FHIT: variants seen among roughly 807,000 people sequenced by gnomAD.
FHIT encodes the protein fragile histidine triad diadenosine triphosphatase, also known as bis(5'-adenosyl)-triphosphatase.
A neutral mutation model predicts 17.9 loss-of-function variants in FHIT; 19 were observed. That is an observed-to-expected ratio of 1.06 (90% CI 0.74 to 1.56). The LOEUF (loss-of-function observed/expected upper bound fraction) is 1.56. Among genes scored for constraint, FHIT ranks in the 40% most tolerant of loss-of-function variants. The pLI is 0.00. For synonymous variants in FHIT, 81 were observed against 69.7 expected, an observed-to-expected ratio of 1.16 and a Z score of -0.81; for missense variants, 248 against 189.2, an observed-to-expected ratio of 1.31 and a Z score of -1.82.
At chr3:59,934,653 C>T (rs139697153) in intron 7 of FHIT, among the ~76,000 whole-genome samples, 2 of 152,142 alleles carry the variant, frequency 1.3e-5, no homozygotes, top group Non-Finnish European at 2.9e-5. Flanking sequence ...CACAGTTCCA[C>T]CTGGCTAGGG....
At chr3:60,202,840 G>A (rs1702978773) in intron 5 of FHIT, among the ~76,000 whole-genome samples, 1 of 152,068 alleles carries the variant, frequency 6.6e-6, no homozygotes. Flanking sequence ...CACATTTGTA[G>A]ATATTTTTTC....
At chr3:60,362,982 A>C (rs1411453357) in intron 5 of FHIT, among the ~76,000 whole-genome samples, 1 of 152,196 alleles carries the variant, frequency 6.6e-6, no homozygotes, top group Admixed American at 6.5e-5. Context: ...TAATTTCTTC[A>C]TGTTGGGTAA....
At chr3:59,968,954 G>T (rs182700614) in intron 7 of FHIT, among the ~76,000 whole-genome samples, 2 of 152,272 alleles carry the variant, frequency 1.3e-5, no homozygotes, top group Admixed American at 1.3e-4. Flanking sequence ...CTTCACTAGG[G>T]TCTCTTCATC....
intron 5 of FHIT, among the ~76,000 whole-genome samples, chr3:60,049,339 C>T (rs1324625287): frequency 3.9e-5 from 6 of 152,208 alleles, no homozygotes; most frequent in Admixed American, 6.5e-5. Context: ...ATTTGAAATA[C>T]GGCTCATGCA....
At chr3:60,384,795 A>G (rs1700942889) in intron 5 of FHIT, among the ~76,000 whole-genome samples, 1 of 151,604 alleles carries the variant, frequency 6.6e-6, no homozygotes, top group Admixed American at 6.6e-5. Context: ...CAGAAACACT[A>G]TGTGAGAGAT....
chr3:59,851,182 G>GA (rs1431257008), intron 8 of FHIT, among the ~76,000 whole-genome samples: 1 of 122,580 alleles, frequency 8.2e-6, no homozygotes, highest in Non-Finnish European at 1.7e-5. Context: ...ATCTAAAGTT[G>GA]ATGAAGATGG....
chr3:60,058,640 C>G (rs1702182351), intron 5 of FHIT, among the ~76,000 whole-genome samples: 1 of 152,132 alleles, frequency 6.6e-6, no homozygotes, highest in African/African-American at 2.4e-5. Flanking sequence ...TTCCAAAGCT[C>G]TTTCTTAGAA....
At position 60,750,181 on chromosome 3, in the gene FHIT, C is replaced by T. The variant is rs533670717; in HGVS notation, c.-18+71738G>A. On this transcript the variant is annotated intron_variant, in intron 4 of 9. Transcript: ENST00000492590. ...AGTTTTCAGGAGTGCATAGGATGAA[C>T]GTAGTCAAAGGCAATGGGGACCGAG... is the stretch of plus-strand genomic sequence containing the variant. 1.1e-4 allele frequency among the ~76,000 whole-genome samples: 16 copies of T among 152,108 alleles called. No individual in the cohort carries two copies. The East Asian group carries it at 2.9e-3, about 28-fold the overall frequency.
intron 5 of FHIT, among the ~76,000 whole-genome samples, chr3:60,207,534 T>C (rs190355454): frequency 3.9e-4 from 59 of 152,280 alleles, no homozygotes; most frequent in African/African-American, 1.4e-3. Flanking sequence ...TAGATCCAGC[T>C]GCACTAAGAG....
At chr3:59,916,177 A>C (rs1705125580) in intron 8 of FHIT, among the ~76,000 whole-genome samples, 1 of 152,124 alleles carries the variant, frequency 6.6e-6, no homozygotes, top group African/African-American at 2.4e-5. Context: ...AGCAGGCAGA[A>C]AGTGGAAAGA....
At chr3:60,108,848 A>T (rs1358126492) in intron 5 of FHIT, among the ~76,000 whole-genome samples, 2 of 152,006 alleles carry the variant, frequency 1.3e-5, no homozygotes, top group East Asian at 1.9e-4. Context: ...TTTGTAGTAG[A>T]GACGGGGTTT....
intron 4 of FHIT, among the ~76,000 whole-genome samples, chr3:60,547,891 C>A (rs1240971186): frequency 1.3e-5 from 2 of 152,146 alleles, no homozygotes; most frequent in Non-Finnish European, 2.9e-5. Flanking sequence ...ACTGGGAAAT[C>A]TCCAAGCTGT....
chr3:60,732,169 A>G (rs2042043732), intron 4 of FHIT: 3 of 781,632 alleles, frequency 3.8e-6, no homozygotes, highest in East Asian at 5.3e-5. Context: ...ACAGTCAGCA[A>G]TGGTGATCTT....
chr3:60,386,654 A>G (rs2734380), intron 5 of FHIT, among the ~76,000 whole-genome samples: 46,249 of 152,034 alleles, frequency 0.3, 7,248 homozygotes, highest in East Asian at 0.47. Flanking sequence ...TCTGTTGTAT[A>G]CACTACTATA....
intron 2 of FHIT, among the ~76,000 whole-genome samples, chr3:61,139,138 T>C (rs1457186467): frequency 1.3e-5 from 2 of 151,654 alleles, no homozygotes; most frequent in African/African-American, 4.8e-5. Flanking sequence ...CACGCCATTC[T>C]CCTGCCTCAG....
At chr3:60,547,918 T>C (rs935603951) in intron 4 of FHIT, among the ~76,000 whole-genome samples, 2 of 152,104 alleles carry the variant, frequency 1.3e-5, no homozygotes, top group African/African-American at 2.4e-5. Context: ...GAACTGACAA[T>C]AGCTCACTTC....
intron 4 of FHIT, among the ~76,000 whole-genome samples, chr3:60,692,980 G>A (rs2041027403): frequency 6.6e-6 from 1 of 152,162 alleles, no homozygotes; most frequent in Non-Finnish European, 1.5e-5. Context: ...CACAGCATAA[G>A]GGAATCACCT....
At chr3:60,048,600 G>A (rs568408980) in intron 5 of FHIT, among the ~76,000 whole-genome samples, 1 of 152,186 alleles carries the variant, frequency 6.6e-6, no homozygotes, top group South Asian at 2.1e-4. Flanking sequence ...GTGTGTTAAC[G>A]TTCTACAAAA....
chr3:61,078,330 AG>A (rs2035031853), intron 2 of FHIT, among the ~76,000 whole-genome samples: 1 of 152,142 alleles, frequency 6.6e-6, no homozygotes, highest in Non-Finnish European at 1.5e-5. Flanking sequence ...AGGAAGTCTC[AG>A]GGGGATAAAC....
Sources: allele counts gnomAD v4.1 joint callset (sites outside exome capture counted in the v4.1 genomes callset), GRCh38; gene constraint gnomAD v4.1.1; transcripts MANE v1.5; gene names NCBI Gene and HGNC (gene_info 2026-07-23, HGNC 2026-07-21).